Variants in ARHGAP24 observed in about 807,000 individuals in gnomAD.
ARHGAP24 encodes rho GTPase-activating protein 24.
In ARHGAP24, 50 loss-of-function variants were observed where a neutral mutation model predicts 76.4. The observed-to-expected ratio is 0.65, with a 90% CI of 0.52 to 0.83. The LOEUF is 0.83. Among genes scored for constraint, ARHGAP24 ranks in the 40% least tolerant of loss-of-function variants. The probability of loss-of-function intolerance (pLI) is 0.00; values close to 1 mark genes in which losing one functional copy is unlikely to be tolerated. For missense variants in ARHGAP24, 930 were observed against 914.2 expected (o/e 1.02, Z -0.22); for synonymous variants, 345 against 323.3 (o/e 1.07, Z -0.72).
At chr4:85,786,377 C>T (rs1727844174) in intron 3 of ARHGAP24, among the ~76,000 whole-genome samples, 1 of 152,194 alleles carries the variant, frequency 6.6e-6, no homozygotes. Context: ...AATCCATCCT[C>T]TTTCATTCAT....
chr4:85,971,931 A>G (rs752517445), intron 5 of ARHGAP24, 105 bp from the exon 6 acceptor site: 282 of 1,553,792 alleles, frequency 1.8e-4, no homozygotes, highest in Middle Eastern at 3.4e-4. Flanking sequence ...GATTCATTCA[A>G]TTGCCAACTT....
chr4:85,701,668 T>C (rs1250809749), intron 2 of ARHGAP24, among the ~76,000 whole-genome samples: 1 of 152,086 alleles, frequency 6.6e-6, no homozygotes, highest in Non-Finnish European at 1.5e-5. Flanking sequence ...AGATTTTGGT[T>C]GACTGAATTT....
chr4:85,702,543 C>T (rs1288114920), intron 2 of ARHGAP24, among the ~76,000 whole-genome samples: 2 of 151,906 alleles, frequency 1.3e-5, no homozygotes, highest in African/African-American at 4.8e-5. Context: ...ATTTTATAGG[C>T]TCTAAAGTAT....
Position 85,753,190 on chromosome 4 carries a change from G to T in ARHGAP24, c.268+31218G>T, listed in dbSNP as rs114262571. 6.5e-3 allele frequency among the ~76,000 whole-genome samples: 987 copies of T among 152,284 alleles called. 15 individuals are homozygous for T. The highest frequency in any genetic ancestry group is 0.021 in the African/African-American group (884 of 41,560). ...TATACTGATTAGAAAGCCCATTCGA[G>T]AATGAAAAATACAGATTTAAATTGT... On this transcript the variant is annotated intron_variant, in intron 3 of 9. Transcript: ENST00000395184.
At chr4:85,861,826 G>A (rs547716481) in intron 3 of ARHGAP24, among the ~76,000 whole-genome samples, 6 of 152,036 alleles carry the variant, frequency 3.9e-5, no homozygotes, top group African/African-American at 1.4e-4. Context: ...CCCTGCTTCC[G>A]AACACTATAC....
chr4:85,880,519 TTGTG>T (rs58530817), intron 3 of ARHGAP24, among the ~76,000 whole-genome samples: 21,470 of 150,576 alleles, frequency 0.14, 2,035 homozygotes, highest in African/African-American at 0.27. Context: ...TGCATAACTT[TTGTG>T]TGTGTGTGTG....
At chr4:85,578,808 T>G (rs1450787676) in intron 2 of ARHGAP24, among the ~76,000 whole-genome samples, 1 of 152,128 alleles carries the variant, frequency 6.6e-6, no homozygotes. Flanking sequence ...ACACAGCAGT[T>G]TAGAAGTTAA....
chr4:85,696,214 A>C (rs6531853), intron 2 of ARHGAP24, among the ~76,000 whole-genome samples: 146,451 of 150,978 alleles, frequency 0.97, 71,180 homozygotes, highest in East Asian at 1. Flanking sequence ...TTTCTTCCTG[A>C]TTCATCATCA....
chr4:85,708,129 G>A (rs1199556765), intron 2 of ARHGAP24, among the ~76,000 whole-genome samples: 1 of 151,932 alleles, frequency 6.6e-6, no homozygotes, highest in Non-Finnish European at 1.5e-5. Context: ...TCTTGTTCAG[G>A]CCTCGTTTAT....
intron 2 of ARHGAP24, among the ~76,000 whole-genome samples, chr4:85,655,005 C>A (rs1348853591): frequency 1.3e-5 from 2 of 152,076 alleles, no homozygotes; most frequent in East Asian, 1.9e-4. Context: ...GTTTTTAATT[C>A]TTTTCCTCCC....
intron 2 of ARHGAP24, among the ~76,000 whole-genome samples, chr4:85,667,184 A>G (rs1722658376): frequency 6.6e-6 from 1 of 152,154 alleles, no homozygotes; most frequent in Non-Finnish European, 1.5e-5. Flanking sequence ...TTGTTTACCT[A>G]AGGAAGCCTG....
chr4:85,939,969 T>C (rs1736863306), intron 4 of ARHGAP24, among the ~76,000 whole-genome samples: 1 of 152,092 alleles, frequency 6.6e-6, no homozygotes, highest in Non-Finnish European at 1.5e-5. Context: ...TCTTAAATGA[T>C]CTACAAGTCT....
At position 85,919,699 on chromosome 4, in the gene ARHGAP24, C is replaced by T. The variant is rs532475182; in HGVS notation, c.269-3949C>T. Among the ~76,000 whole-genome samples, 4 of 152,222 alleles carry T rather than the reference C, an allele frequency of 2.6e-5. No individual in the cohort carries two copies. In the East Asian group the frequency reaches 7.7e-4, roughly 29 times the overall value. On this transcript the variant is annotated intron_variant, in intron 3 of 9. Transcript: ENST00000395184. The stretch of plus-strand genomic sequence containing the variant: ...ATAATGGCCAGTTGTGCATATCATT[C>T]TTTTTCCTCTGCTTTCAGGCAGATA...
intron 3 of ARHGAP24, among the ~76,000 whole-genome samples, chr4:85,921,402 G>A (rs549103570): frequency 2.0e-5 from 3 of 152,160 alleles, no homozygotes; most frequent in African/African-American, 7.2e-5. Flanking sequence ...GAAGGTGGAA[G>A]GAGGGAGAAA....
At chr4:85,857,846 T>G (rs1363634887) in intron 3 of ARHGAP24, among the ~76,000 whole-genome samples, 1 of 152,184 alleles carries the variant, frequency 6.6e-6, no homozygotes, top group East Asian at 1.9e-4. Flanking sequence ...CTGCTTACCA[T>G]GCCTCTGGGT....
chr4:85,747,435 G>A (rs1726085415), intron 3 of ARHGAP24, among the ~76,000 whole-genome samples: 1 of 152,180 alleles, frequency 6.6e-6, no homozygotes, highest in Admixed American at 6.6e-5. Flanking sequence ...CGGGGGCGGT[G>A]GCTCACACCT....
At chr4:85,930,265 ATTC>A (rs933088530) in intron 4 of ARHGAP24, 2 of 985,400 alleles carry the variant, frequency 2.0e-6, no homozygotes, top group Non-Finnish European at 2.4e-6. Flanking sequence ...TGACGTTGTG[ATTC>A]TCTCGGGAGT....
At chr4:85,679,429 T>C (rs60123973) in intron 2 of ARHGAP24, among the ~76,000 whole-genome samples, 7,526 of 152,224 alleles carry the variant, frequency 0.049, 622 homozygotes, top group African/African-American at 0.17. Flanking sequence ...TGAGGAAGTG[T>C]ATTTTGGGGT....
At chr4:85,502,313 C>G (rs1578188798) in intron 1 of ARHGAP24, among the ~76,000 whole-genome samples, 1 of 152,106 alleles carries the variant, frequency 6.6e-6, no homozygotes, top group African/African-American at 2.4e-5. Flanking sequence ...TTACCTTGGG[C>G]AGTATGGCCA....
Sources: allele counts gnomAD v4.1 joint callset (sites outside exome capture counted in the v4.1 genomes callset), GRCh38; gene constraint gnomAD v4.1.1; transcripts MANE v1.5; gene names NCBI Gene and HGNC (gene_info 2026-07-23, HGNC 2026-07-21).